Variants in SYT1 observed in about 807,000 individuals in gnomAD.
SYT1 encodes synaptotagmin-1.
Under a neutral mutation model 44.8 loss-of-function variants are expected in SYT1, and 8 were observed. That is an observed-to-expected ratio of 0.18 (90% CI 0.10 to 0.32). SYT1 has a LOEUF of 0.32. SYT1 is among the 10% of genes least tolerant of loss of function. The pLI is 1.00. For synonymous variants in SYT1, 154 were observed against 188.8 expected, an observed-to-expected ratio of 0.82 and a Z score of 1.51; for missense variants, 286 against 509.3, an observed-to-expected ratio of 0.56 and a Z score of 4.22.
At chr12:79,373,465 A>T (rs1448803807) in intron 9 of SYT1, among the ~76,000 whole-genome samples, 1 of 152,190 alleles carries the variant, frequency 6.6e-6, no homozygotes. Flanking sequence ...TCCCTTTAAA[A>T]TATAATTACT....
At chr12:78,878,640 C>G (rs2137051408) in intron 1 of SYT1, among the ~76,000 whole-genome samples, 1 of 151,800 alleles carries the variant, frequency 6.6e-6, no homozygotes, top group East Asian at 1.9e-4. Context: ...AATTGAGTAC[C>G]ATCTAGTTAA....
intron 9 of SYT1, among the ~76,000 whole-genome samples, chr12:79,397,598 T>A (rs990416215): frequency 6.6e-6 from 1 of 152,148 alleles, no homozygotes; most frequent in Non-Finnish European, 1.5e-5. Flanking sequence ...TGTGTGGAAG[T>A]TGGCCTGAAG....
chr12:79,028,731 A>G lies in SYT1; in HGVS notation c.-83-18566A>G, dbSNP rs182821773. On this transcript the variant is annotated intron_variant, in intron 2 of 10. Transcript: ENST00000261205. The stretch of plus-strand genomic sequence containing the variant: ...ATGTGCCTGTTTTTCTGGATGTGGT[A>G]TTGGGAAGGAATGAATTATATTCAA... 1.3e-4 allele frequency among the ~76,000 whole-genome samples: 19 copies of G among 151,488 alleles called. No homozygotes were observed. In the East Asian group the frequency reaches 2.9e-3, roughly 23 times the overall value.
chr12:79,204,189 C>A (rs1873960033), intron 3 of SYT1, among the ~76,000 whole-genome samples: 1 of 152,132 alleles, frequency 6.6e-6, no homozygotes, highest in Non-Finnish European at 1.5e-5. Context: ...ATGTTTAAAG[C>A]ACTTATAATA....
At position 79,308,608 on chromosome 12, in the gene SYT1, AAGAAAAAGAAAGAAAG is replaced by A. The variant is rs1437231940; in HGVS notation, c.810+9059_810+9074del. 2.0e-3 allele frequency among the ~76,000 whole-genome samples: 120 copies of A among 59,096 alleles called. 1 individual carries two copies. Among genetic ancestry groups the A allele is most frequent in the Admixed American group, 7.9e-3 (45 of 5,690 alleles). 38.8% of individuals were successfully genotyped at this position (59,096 alleles called of 152,430 possible). A position where few individuals can be genotyped will look rare whatever the true frequency, so the allele number is the denominator to read the frequency against. ...AAAAGAAAGAAGAAAGAAAGAAAGA[AAGAAAAAGAAAGAAAG>A]AAAGAAAGAAAGAAAGAAAGAAAGA... On this transcript the variant is annotated intron_variant, in intron 8 of 10. Coordinates refer to ENST00000261205, the MANE Select transcript of SYT1 (RefSeq NM_005639.3).
intron 3 of SYT1, among the ~76,000 whole-genome samples, chr12:79,098,652 C>T (rs768910806): frequency 9.2e-5 from 14 of 152,082 alleles, no homozygotes; most frequent in South Asian, 2.1e-4. Context: ...TGACTTAGTA[C>T]GATGTTTCCA....
At chr12:78,920,475 T>C (rs1171112217) in intron 1 of SYT1, among the ~76,000 whole-genome samples, 1 of 152,024 alleles carries the variant, frequency 6.6e-6, no homozygotes, top group African/African-American at 2.4e-5. Flanking sequence ...GAAGTTGGTC[T>C]AGTAAAAATT....
At chr12:79,318,398 A>G (rs921387944) in intron 8 of SYT1, among the ~76,000 whole-genome samples, 2 of 152,216 alleles carry the variant, frequency 1.3e-5, no homozygotes, top group African/African-American at 4.8e-5. Flanking sequence ...CCCTGCTTCC[A>G]GCATCCCTTC....
In SYT1 at chr12:79,289,258, C is replaced by A. The variant is rs142753979; in HGVS notation, c.352-2750C>A. ...TCTGATGTTCCCAACCCAGCTTTTT[C>A]TACTGCAATTTATCAAACCTCAGTA... On this transcript the variant is annotated intron_variant, in intron 5 of 10. Coordinates refer to ENST00000261205, the MANE Select transcript of SYT1 (RefSeq NM_005639.3). Among the ~76,000 whole-genome samples, 809 of 152,290 alleles carry A rather than the reference C, an allele frequency of 5.3e-3. 8 individuals are homozygous for A. Among genetic ancestry groups the A allele is most frequent in the African/African-American group, 0.018 (756 of 41,550 alleles).
intron 9 of SYT1, among the ~76,000 whole-genome samples, chr12:79,410,337 C>T (rs894330009): frequency 6.6e-6 from 1 of 151,930 alleles, no homozygotes; most frequent in Non-Finnish European, 1.5e-5. Flanking sequence ...GTTTTTCTCT[C>T]AGGGTCATAA....
intron 8 of SYT1, among the ~76,000 whole-genome samples, chr12:79,310,336 G>A (rs1036537890): frequency 6.6e-5 from 10 of 152,042 alleles, no homozygotes; most frequent in African/African-American, 2.4e-4. Flanking sequence ...TAGATATGTG[G>A]CGTTATTTCT....
At chr12:79,072,518 GTTTAATA>G (rs1592722382) in intron 3 of SYT1, among the ~76,000 whole-genome samples, 1 of 152,096 alleles carries the variant, frequency 6.6e-6, no homozygotes, top group East Asian at 1.9e-4. Context: ...CCTGAAAATT[GTTTAATA>G]TTTGAGTTTT....
intron 2 of SYT1, among the ~76,000 whole-genome samples, chr12:78,987,053 C>A (rs1344261382): frequency 2.0e-5 from 3 of 152,004 alleles, no homozygotes; most frequent in Admixed American, 6.6e-5. Flanking sequence ...TATTGTCGTT[C>A]ACTATGGTCA....
intron 9 of SYT1, among the ~76,000 whole-genome samples, chr12:79,375,796 C>T (rs1348768884): frequency 6.6e-6 from 1 of 151,992 alleles, no homozygotes; most frequent in East Asian, 1.9e-4. Flanking sequence ...TGTCATCATC[C>T]ATATAAACCA....
chr12:79,447,658 A>G (rs1303396259), intron 10 of SYT1, among the ~76,000 whole-genome samples: 2 of 152,178 alleles, frequency 1.3e-5, no homozygotes, highest in East Asian at 1.9e-4. Flanking sequence ...AAGAATCAGT[A>G]TAGCCCTCTT....
intron 1 of SYT1, among the ~76,000 whole-genome samples, chr12:78,958,819 G>C (rs536323326): frequency 6.6e-6 from 1 of 152,036 alleles, no homozygotes; most frequent in Non-Finnish European, 1.5e-5. Context: ...TTACGCAAAC[G>C]TGGAAAACTT....
At chr12:79,176,691 A>G (rs1356004486) in intron 3 of SYT1, among the ~76,000 whole-genome samples, 1 of 152,028 alleles carries the variant, frequency 6.6e-6, no homozygotes, top group Non-Finnish European at 1.5e-5. Context: ...AGTACAATGA[A>G]CACACATATA....
At chr12:79,321,588 A>G (rs1459740793) in intron 8 of SYT1, among the ~76,000 whole-genome samples, 1 of 152,226 alleles carries the variant, frequency 6.6e-6, no homozygotes, top group Non-Finnish European at 1.5e-5. Flanking sequence ...TAGACACCTG[A>G]ACTGAACCTG....
At chr12:78,992,385 A>G (rs918227659) in intron 2 of SYT1, among the ~76,000 whole-genome samples, 59 of 152,214 alleles carry the variant, frequency 3.9e-4, no homozygotes, top group African/African-American at 1.4e-3. Context: ...ATTAAGATAC[A>G]ACTTTAAATA....
Sources: gnomAD v4.1 joint callset for allele counts (sites outside exome capture counted in the v4.1 genomes callset) on GRCh38, gnomAD v4.1.1 for gene constraint, MANE v1.5 for transcripts, NCBI Gene and HGNC (gene_info 2026-07-23, HGNC 2026-07-21) for gene names.